Variants in RAPH1 observed in about 807,000 individuals in gnomAD.
RAPH1 encodes the protein ras-associated and pleckstrin homology domains-containing protein 1.
Under a neutral mutation model 88.1 loss-of-function variants are expected in RAPH1, and 18 were observed. That is an observed-to-expected ratio of 0.20 (90% CI 0.14 to 0.30). The LOEUF is 0.30. Ranked by LOEUF, RAPH1 falls within the 10% of genes least tolerant of loss-of-function variation. RAPH1 has a pLI of 1.00. For missense variants in RAPH1, 1,448 were observed against 1,543.2 expected, an observed-to-expected ratio of 0.94 and a Z score of 1.03; for synonymous variants, 587 against 559.0, an observed-to-expected ratio of 1.05 and a Z score of -0.71.
chr2:203,505,699 A>G (rs1688957016), intron 1 of RAPH1, among the ~76,000 whole-genome samples: 1 of 151,748 alleles, frequency 6.6e-6, no homozygotes, highest in Non-Finnish European at 1.5e-5. Context: ...AAAAACAACA[A>G]ATAATTGATT....
At chr2:203,460,140 T>A (rs2098523176) in intron 6 of RAPH1, 112 bp from the exon 7 acceptor site, 1 of 885,442 alleles carries the variant, frequency 1.1e-6, no homozygotes, top group Admixed American at 3.0e-5. Context: ...AACCGACATT[T>A]TAGCACCTAA....
Position 203,440,273 on chromosome 2 carries a change from G to A in RAPH1, c.2917C>T (p.Pro973Ser). Residue 973 changes from proline (P) to serine (S), a missense_variant, in exon 14 of 14, where the codon CCA becomes TCA. Transcript: ENST00000319170. ...ATGCTGGAGTTGCGCTGTGGGGTTG[G>A]GGGTGGTTTCTTTCCCCCAGGGCTG... ...TSSPGGKKPP[P>S]TPQRNSSIKS... The A allele has an allele frequency of 6.2e-7, 1 of 1,613,926 alleles. No individual in the cohort carries two copies. Among genetic ancestry groups the A allele is most frequent in the Non-Finnish European group, 8.5e-7 (1 of 1,179,990 alleles).
At chr2:203,456,370 G>A (rs1329953391) in intron 8 of RAPH1, among the ~76,000 whole-genome samples, 4 of 152,148 alleles carry the variant, frequency 2.6e-5, no homozygotes, top group South Asian at 2.1e-4. Context: ...AGAATGCAAC[G>A]TGCTAAGTGT....
intron 1 of RAPH1, among the ~76,000 whole-genome samples, chr2:203,499,964 G>A (rs886673216): frequency 2.0e-5 from 3 of 152,076 alleles, no homozygotes; most frequent in Non-Finnish European, 2.9e-5. Flanking sequence ...AAAACCACAT[G>A]AACATGCTCA....
chr2:203,438,033 T>C lies in RAPH1; in HGVS notation c.*1404A>G. ...ATTCACAGAAAAAAGCATATAGAAGTATAGTGTGTCGTTAGAGCACTGACT... is the reference window on the plus strand; with the variant it reads ...ATTCACAGAAAAAAGCATATAGAAGCATAGTGTGTCGTTAGAGCACTGACT... On this transcript the variant is annotated 3_prime_UTR_variant, in exon 14 of 14. Transcript: ENST00000319170. 4.7e-6 allele frequency: 2 copies of C among 425,230 alleles called. No homozygotes were observed. Among genetic ancestry groups the C allele is most frequent in the Non-Finnish European group, 9.4e-6 (2 of 213,088 alleles). The allele number at this position is 425,230 out of a possible 1,614,324, so 26.3% of individuals were successfully genotyped here. A position where few individuals can be genotyped will look rare whatever the true frequency, so the allele number is the denominator to read the frequency against.
At position 203,489,818 on chromosome 2, in the gene RAPH1, ACTCAAAGAGGCCTGTTCT is replaced by A; in HGVS notation, c.480_497del (p.Leu160_Ser166delinsPhe). 1 of 1,614,186 alleles carries A rather than the reference ACTCAAAGAGGCCTGTTCT, an allele frequency of 6.2e-7. No individual in the cohort carries two copies. The highest frequency in any genetic ancestry group is 8.5e-7 in the Non-Finnish European group (1 of 1,180,026). On this transcript the variant is annotated inframe_deletion, in exon 4 of 14. Coordinates refer to ENST00000319170, the MANE Select transcript of RAPH1 (RefSeq NM_213589.3). ...CAGATTGCTGAGCAGCCTCATCCATACTCAAAGAGGCCTGTTCTAACTGTGCAGTGACGTCGTCCAAGG... is the reference window on the plus strand; with the variant it reads ...CAGATTGCTGAGCAGCCTCATCCATAAACTGTGCAGTGACGTCGTCCAAGG...
At chr2:203,474,329 G>C (rs2098535573) in intron 4 of RAPH1, among the ~76,000 whole-genome samples, 1 of 152,166 alleles carries the variant, frequency 6.6e-6, no homozygotes, top group African/African-American at 2.4e-5. Flanking sequence ...AAGATGCCTT[G>C]CAAGCATGGT....
chr2:203,471,741 T>C (rs2098533275), intron 4 of RAPH1, among the ~76,000 whole-genome samples: 1 of 152,186 alleles, frequency 6.6e-6, no homozygotes, highest in Admixed American at 6.5e-5. Flanking sequence ...TGGTATTTTA[T>C]TGTCTGCATT....
At chr2:203,441,499 TA>T in intron 13 of RAPH1, 86 bp from the exon 14 acceptor site, 2 of 1,431,710 alleles carry the variant, frequency 1.4e-6, no homozygotes, top group African/African-American at 1.4e-5. Context: ...TGTGTAAAAC[TA>T]AAAAGCAGGG....
At chr2:203,465,815 T>C (rs188192134) in intron 4 of RAPH1, among the ~76,000 whole-genome samples, 1 of 152,004 alleles carries the variant, frequency 6.6e-6, no homozygotes, top group African/African-American at 2.4e-5. Context: ...AAAACGGAGG[T>C]TGCAGTAAAC....
intron 7 of RAPH1, 58 bp downstream of exon 7, chr2:203,459,849 C>A (rs899611486): frequency 6.4e-6 from 10 of 1,553,154 alleles, no homozygotes; most frequent in Non-Finnish European, 7.9e-6. Context: ...TAGCAGTAAT[C>A]GAATAAAATA....
intron 12 of RAPH1, chr2:203,445,347 A>G (rs16839807): frequency 0.021 from 4,399 of 210,596 alleles, 186 homozygotes; most frequent in East Asian, 0.18. Context: ...TCAGTAGAGG[A>G]GTCTCTCAAT....
intron 1 of RAPH1, among the ~76,000 whole-genome samples, chr2:203,534,839 C>T (rs540152388): frequency 6.6e-6 from 1 of 151,838 alleles, no homozygotes; most frequent in East Asian, 2.0e-4. Context: ...GGCCCCTTAT[C>T]TCATTGTCTC....
At chr2:203,506,896 ATATTTT>A (rs1291134325) in intron 1 of RAPH1, among the ~76,000 whole-genome samples, 5 of 100,898 alleles carry the variant, frequency 5.0e-5, no homozygotes, top group Admixed American at 2.1e-4. Context: ...ATATATATAT[ATATTTT>A]TTTTTTTTTT....
At chr2:203,453,093 C>T (rs1237491835) in intron 10 of RAPH1, among the ~76,000 whole-genome samples, 1 of 152,154 alleles carries the variant, frequency 6.6e-6, no homozygotes, top group African/African-American at 2.4e-5. Context: ...ATAATTTTGA[C>T]ATCATGGTCT....
intron 4 of RAPH1, among the ~76,000 whole-genome samples, chr2:203,476,572 T>G (rs1206342279): frequency 6.6e-6 from 1 of 152,140 alleles, no homozygotes; most frequent in African/African-American, 2.4e-5. Flanking sequence ...TTTTAAATAT[T>G]TAATAGGCAC....
At chr2:203,517,736 C>T (rs1381019321) in intron 1 of RAPH1, among the ~76,000 whole-genome samples, 1 of 152,034 alleles carries the variant, frequency 6.6e-6, no homozygotes, top group Admixed American at 6.5e-5. Flanking sequence ...TATCAAAATA[C>T]ATGAGATTAC....
At chr2:203,531,172 C>T (rs1181630117) in intron 1 of RAPH1, among the ~76,000 whole-genome samples, 3 of 152,020 alleles carry the variant, frequency 2.0e-5, no homozygotes, top group Non-Finnish European at 4.4e-5. Flanking sequence ...GATTTGGCTA[C>T]AGCCTCTTGG....
At position 203,433,875 on chromosome 2, in the gene RAPH1, A is replaced by G. The variant is rs915785096; in HGVS notation, c.*5562T>C. ...TTTGATAAGCTGATATAATGAAAAC[A>G]TGTAAATGAAAAACATTTACACTGA... On this transcript the variant is annotated 3_prime_UTR_variant, in exon 14 of 14. Transcript: ENST00000319170. 6.6e-6 allele frequency: 1 copy of G among 152,626 alleles called. No homozygotes were observed. The highest frequency in any genetic ancestry group is 2.4e-5 in the African/African-American group (1 of 41,450). The allele number at this position is 152,626 out of a possible 1,614,324, so 9.5% of individuals were successfully genotyped here. A position where few individuals can be genotyped will look rare whatever the true frequency, so the allele number is the denominator to read the frequency against.
Sources: allele counts gnomAD v4.1 joint callset (sites outside exome capture counted in the v4.1 genomes callset), GRCh38; gene constraint gnomAD v4.1.1; transcripts MANE v1.5; gene names NCBI Gene and HGNC (gene_info 2026-07-23, HGNC 2026-07-21).